The following DOCK4 variants were observed in gnomAD, a reference collection of about 807,000 sequenced individuals.
The protein encoded by DOCK4 is dedicator of cytokinesis 4, also known as dedicator of cytokinesis protein 4.
A neutral mutation model predicts 268.1 loss-of-function variants in DOCK4; 97 were observed. The observed-to-expected ratio is 0.36, with a 90% confidence interval of 0.31 to 0.43. The LOEUF (loss-of-function observed/expected upper bound fraction) is 0.43. DOCK4 is among the 20% of genes least tolerant of loss of function. DOCK4 has a pLI of 1.00. For synonymous variants in DOCK4, 954 were observed against 887.2 expected, an observed-to-expected ratio of 1.08 and a Z score of -1.34; for missense variants, 2,145 against 2,455.7, an observed-to-expected ratio of 0.87 and a Z score of 2.67.
At chr7:111,884,642 C>G (rs531635097) in intron 16 of DOCK4, among the ~76,000 whole-genome samples, 1 of 151,962 alleles carries the variant, frequency 6.6e-6, no homozygotes, top group South Asian at 2.1e-4. Flanking sequence ...AATAAGCTCA[C>G]GAATCTTATA....
At chr7:112,029,369 G>A (rs1319208936) in intron 1 of DOCK4, among the ~76,000 whole-genome samples, 1 of 152,200 alleles carries the variant, frequency 6.6e-6, no homozygotes, top group African/African-American at 2.4e-5. Flanking sequence ...ATGCAGCATA[G>A]AATTGCTTCT....
chr7:111,793,148 T>G (rs1281796504), intron 30 of DOCK4, among the ~76,000 whole-genome samples: 1 of 152,232 alleles, frequency 6.6e-6, no homozygotes, highest in Non-Finnish European at 1.5e-5. Flanking sequence ...AGCATTTCTG[T>G]CATGATAAAA....
At chr7:111,850,490 G>A (rs1417515427) in intron 23 of DOCK4, among the ~76,000 whole-genome samples, 4 of 151,968 alleles carry the variant, frequency 2.6e-5, no homozygotes, top group Admixed American at 6.5e-5. Flanking sequence ...AAAGCCTGAC[G>A]TACTGTCCTC....
chr7:112,000,030 A>G (rs1300985316), intron 3 of DOCK4, among the ~76,000 whole-genome samples: 2 of 152,210 alleles, frequency 1.3e-5, no homozygotes, highest in Middle Eastern at 6.8e-3. Flanking sequence ...GGGTTTTTTA[A>G]TAATATTGTT....
At chr7:111,923,301 C>A (rs961322995) in intron 12 of DOCK4, among the ~76,000 whole-genome samples, 1 of 152,124 alleles carries the variant, frequency 6.6e-6, no homozygotes, top group Non-Finnish European at 1.5e-5. Context: ...ACCAGTTTCC[C>A]ACGGATACCA....
chr7:111,767,225 ATC>A, intron 37 of DOCK4, 107 bp from the exon 38 acceptor site: 6 of 779,198 alleles, frequency 7.7e-6, no homozygotes, highest in Admixed American at 2.7e-5. Context: ...TTACTCCTTA[ATC>A]TTTTTTTTTT....
chr7:112,029,106 C>T (rs1176620571), intron 1 of DOCK4, among the ~76,000 whole-genome samples: 1 of 152,204 alleles, frequency 6.6e-6, no homozygotes. Flanking sequence ...TAGTTGGTGG[C>T]ACCCAGCTCT....
chr7:112,024,200 T>A (rs749532642), intron 1 of DOCK4, among the ~76,000 whole-genome samples: 27 of 152,222 alleles, frequency 1.8e-4, no homozygotes, highest in Non-Finnish European at 3.4e-4. Context: ...ATGTAATGAT[T>A]ATACTGGATA....
chr7:112,082,848 T>C (rs1340038120), intron 1 of DOCK4, among the ~76,000 whole-genome samples: 1 of 152,158 alleles, frequency 6.6e-6, no homozygotes, highest in Non-Finnish European at 1.5e-5. Context: ...TTTTTTAAAC[T>C]TGGTAAAATC....
At chr7:111,806,915 C>G (rs2133885676) in intron 30 of DOCK4, among the ~76,000 whole-genome samples, 1 of 152,178 alleles carries the variant, frequency 6.6e-6, no homozygotes, top group South Asian at 2.1e-4. Flanking sequence ...ACCAGAGAGG[C>G]AGAAATAGTT....
intron 1 of DOCK4, among the ~76,000 whole-genome samples, chr7:112,128,328 G>T (rs552269601): frequency 6.6e-6 from 1 of 152,054 alleles, no homozygotes; most frequent in African/African-American, 2.4e-5. Context: ...CAGCCGCCCC[G>T]TCCGGGAGGT....
chr7:111,815,644 C>A (rs1801487842), intron 27 of DOCK4, among the ~76,000 whole-genome samples: 1 of 143,000 alleles, frequency 7.0e-6, no homozygotes, highest in Non-Finnish European at 1.5e-5. Context: ...CCATCCCCTC[C>A]CCTCCCCTCC....
intron 36 of DOCK4, among the ~76,000 whole-genome samples, chr7:111,770,032 T>G (rs1340295860): frequency 1.3e-5 from 2 of 151,962 alleles, no homozygotes; most frequent in Non-Finnish European, 2.9e-5. Context: ...GGCCTTTGTT[T>G]GCTGAGAGAG....
chr7:111,994,248 G>A lies in DOCK4; in HGVS notation c.219-17C>T. 2 of 1,511,738 alleles carry A rather than the reference G, an allele frequency of 1.3e-6. No homozygotes were observed. Among genetic ancestry groups the A allele is most frequent in the Non-Finnish European group, 1.8e-6 (2 of 1,105,226 alleles). 93.6% of individuals were successfully genotyped at this position (1,511,738 alleles called of 1,614,324 possible). A position where few individuals can be genotyped will look rare whatever the true frequency, so the allele number is the denominator to read the frequency against. On this transcript the variant is annotated splice_polypyrimidine_tract_variant and intron_variant, in intron 4 of 52. Transcript: ENST00000428084. ...TCAAATTGTCTGTGAAATTAAAAAAGAAAAAGTATATATGTAAATACCATA... is the reference window on the plus strand; with the variant it reads ...TCAAATTGTCTGTGAAATTAAAAAAAAAAAAGTATATATGTAAATACCATA...
intron 1 of DOCK4, among the ~76,000 whole-genome samples, chr7:112,174,681 TA>T (rs1434392509): frequency 6.6e-6 from 1 of 152,106 alleles, no homozygotes; most frequent in Non-Finnish European, 1.5e-5. Flanking sequence ...CACCTTAGGA[TA>T]ATGCAAGATG....
chr7:111,870,041 A>T (rs965590366), intron 20 of DOCK4, among the ~76,000 whole-genome samples: 7 of 152,170 alleles, frequency 4.6e-5, no homozygotes, highest in Admixed American at 2.6e-4. Context: ...AGCTGGATGC[A>T]ATATCATTAG....
At chr7:111,938,996 G>C (rs1175825447) in intron 11 of DOCK4, among the ~76,000 whole-genome samples, 1 of 150,626 alleles carries the variant, frequency 6.6e-6, no homozygotes, top group Non-Finnish European at 1.5e-5. Context: ...AAAAAGTTGG[G>C]GGGGTGGGGG....
At chr7:111,895,584 C>T in intron 16 of DOCK4, 28 bp downstream of exon 16, 2 of 1,592,232 alleles carry the variant, frequency 1.3e-6, no homozygotes, top group Non-Finnish European at 1.7e-6. Flanking sequence ...TTTTTTACTG[C>T]CCATCGCCAC....
At chr7:112,114,355 A>C in intron 1 of DOCK4, among the ~76,000 whole-genome samples, 1 of 152,246 alleles carries the variant, frequency 6.6e-6, no homozygotes, top group East Asian at 1.9e-4. Flanking sequence ...CAGAAATAAC[A>C]CATTTTCCAA....
Sources: allele counts gnomAD v4.1 joint callset (sites outside exome capture counted in the v4.1 genomes callset), GRCh38; gene constraint gnomAD v4.1.1; transcripts MANE v1.5; gene names NCBI Gene and HGNC (gene_info 2026-07-23, HGNC 2026-07-21).